Variants in DENND5A observed in about 807,000 individuals in gnomAD.
The protein encoded by DENND5A is DENN domain containing 5A.
Under a neutral mutation model 140.3 loss-of-function variants are expected in DENND5A, and 64 were observed. The observed-to-expected ratio is 0.46, with a 90% CI of 0.37 to 0.56. DENND5A has a LOEUF of 0.56. Among genes scored for constraint, DENND5A ranks in the 20% least tolerant of loss-of-function variants. The pLI is 0.00. For missense variants in DENND5A, 1,292 were observed against 1,593.8 expected, an observed-to-expected ratio of 0.81 and a Z score of 3.22; for synonymous variants, 605 against 607.7, an observed-to-expected ratio of 1.00 and a Z score of 0.07.
Position 9,263,329 on chromosome 11 carries a change from T to C in DENND5A, c.109+1632A>G, listed in dbSNP as rs531974302. Among the ~76,000 whole-genome samples, 6 of 151,040 alleles carry C rather than the reference T, an allele frequency of 4.0e-5. No individual in the cohort carries two copies. The East Asian group carries it at 1.2e-3, about 31-fold the overall frequency. On this transcript the variant is annotated intron_variant, in intron 1 of 22. Transcript: ENST00000328194. ...TCCCCCTCCTGGGTTAAAGCGATCC[T>C]CCTACCTCAGCCTCCTGAGTAGCTG...
In DENND5A at chr11:9,190,162, C is replaced by A. The variant is rs552693841; in HGVS notation, c.1137+3332G>T. On this transcript the variant is annotated intron_variant, in intron 5 of 22. Transcript: ENST00000328194. ...AGTAACTAACTTGCTTTTGATTTTACAGGCTTATAAGGAAAGGACTTGTCT... is the reference window on the plus strand; with the variant it reads ...AGTAACTAACTTGCTTTTGATTTTAAAGGCTTATAAGGAAAGGACTTGTCT... Among the ~76,000 whole-genome samples, 6 of 152,270 alleles carry A rather than the reference C, an allele frequency of 3.9e-5. No individual in the cohort carries two copies. The South Asian group carries it at 1.2e-3, about 32-fold the overall frequency.
intron 1 of DENND5A, among the ~76,000 whole-genome samples, chr11:9,245,100 T>C (rs1049817617): frequency 2.3e-4 from 34 of 150,998 alleles, no homozygotes; most frequent in African/African-American, 7.8e-4. Flanking sequence ...TTGGCCAACA[T>C]GCTGAAACCC....
chr11:9,178,578 A>G (rs1366846450), intron 7 of DENND5A, among the ~76,000 whole-genome samples: 1 of 151,882 alleles, frequency 6.6e-6, no homozygotes, highest in Non-Finnish European at 1.5e-5. Context: ...TGGGTAACCT[A>G]CTGAGTCAAC....
intron 6 of DENND5A, among the ~76,000 whole-genome samples, chr11:9,179,979 A>G (rs35065864): frequency 0.16 from 24,753 of 152,246 alleles, 2,523 homozygotes; most frequent in East Asian, 0.36. Context: ...TTTATAAGTA[A>G]CTTACGAAAG....
chr11:9,197,310 A>AT (rs1428166451), intron 4 of DENND5A, among the ~76,000 whole-genome samples: 23 of 150,248 alleles, frequency 1.5e-4, no homozygotes, highest in Middle Eastern at 3.4e-3. Context: ...ATCTCAAAAA[A>AT]AATATATATA....
chr11:9,171,178 CA>C (rs1848361607), intron 8 of DENND5A: 1 of 169,716 alleles, frequency 5.9e-6, no homozygotes, highest in African/African-American at 2.4e-5. Flanking sequence ...AGAGAGAATC[CA>C]GGGGATCTGC....
chr11:9,217,000 C>A (rs2136229779), intron 1 of DENND5A, among the ~76,000 whole-genome samples: 1 of 152,168 alleles, frequency 6.6e-6, no homozygotes, highest in South Asian at 2.1e-4. Flanking sequence ...CACACTACTG[C>A]ACTATAGTCT....
chr11:9,247,359 T>C (rs993049490), intron 1 of DENND5A, among the ~76,000 whole-genome samples: 1 of 152,112 alleles, frequency 6.6e-6, no homozygotes, highest in Admixed American at 6.6e-5. Context: ...CAAATATCAG[T>C]GTAGATAACT....
chr11:9,150,264 G>A, intron 14 of DENND5A, 55 bp from the exon 15 acceptor site: 1 of 1,592,070 alleles, frequency 6.3e-7, no homozygotes, highest in South Asian at 1.1e-5. Context: ...TGAACTCACT[G>A]CCAATAACTT....
intron 22 of DENND5A, chr11:9,140,115 C>T (rs1351303054): frequency 8.5e-6 from 12 of 1,415,874 alleles, no homozygotes; most frequent in Non-Finnish European, 1.1e-5. Context: ...GCCTAGTCAG[C>T]CCCACCACTG....
intron 12 of DENND5A, among the ~76,000 whole-genome samples, chr11:9,159,478 C>G (rs1454039926): frequency 6.6e-6 from 1 of 152,018 alleles, no homozygotes; most frequent in Non-Finnish European, 1.5e-5. Context: ...GCACCACCAC[C>G]TGGCTAATTT....
At chr11:9,262,226 G>A (rs939140399) in intron 1 of DENND5A, among the ~76,000 whole-genome samples, 2 of 152,066 alleles carry the variant, frequency 1.3e-5, no homozygotes, top group Non-Finnish European at 2.9e-5. Flanking sequence ...CAATCACAAA[G>A]ATAGTCAATA....
At chr11:9,152,104 T>C (rs1307999358) in intron 13 of DENND5A, among the ~76,000 whole-genome samples, 1 of 152,220 alleles carries the variant, frequency 6.6e-6, no homozygotes, top group African/African-American at 2.4e-5. Flanking sequence ...ATATTCATTC[T>C]GAGACTGGCC....
chr11:9,179,451 A>AT (rs1323040155), intron 6 of DENND5A, among the ~76,000 whole-genome samples: 1 of 150,868 alleles, frequency 6.6e-6, no homozygotes, highest in Non-Finnish European at 1.5e-5. Flanking sequence ...GGCTCTCTTG[A>AT]TTTTTTATTT....
intron 1 of DENND5A, among the ~76,000 whole-genome samples, chr11:9,208,996 G>A (rs897313002): frequency 2.6e-5 from 4 of 152,198 alleles, no homozygotes; most frequent in Non-Finnish European, 5.9e-5. Flanking sequence ...TAATGATCTC[G>A]TCTACAGTCT....
intron 1 of DENND5A, among the ~76,000 whole-genome samples, chr11:9,217,427 T>C (rs755949222): frequency 1.3e-5 from 2 of 151,876 alleles, no homozygotes; most frequent in Non-Finnish European, 2.9e-5. Context: ...GGCAGGAGAA[T>C]AGCTAGAACC....
chr11:9,224,948 C>A lies in DENND5A; in HGVS notation c.110-17316G>T, dbSNP rs114154952. On this transcript the variant is annotated intron_variant, in intron 1 of 22. Coordinates refer to ENST00000328194, the MANE Select transcript of DENND5A (RefSeq NM_015213.4). ...GGAAATTTTCTGTGAGTGCTAGGGTCAGAGCCATTTACTGGTTATAAAACA... is the reference window on the plus strand; with the variant it reads ...GGAAATTTTCTGTGAGTGCTAGGGTAAGAGCCATTTACTGGTTATAAAACA... 3.8e-3 allele frequency among the ~76,000 whole-genome samples: 579 copies of A among 151,806 alleles called. 6 individuals are homozygous for A. Among genetic ancestry groups the A allele is most frequent in the African/African-American group, 0.013 (555 of 41,396 alleles).
intron 5 of DENND5A, among the ~76,000 whole-genome samples, chr11:9,183,308 A>G (rs1848796206): frequency 6.6e-6 from 1 of 152,252 alleles, no homozygotes; most frequent in South Asian, 2.1e-4. Flanking sequence ...GGATTATATA[A>G]CAATAAATGT....
chr11:9,227,878 G>A (rs1850596329), intron 1 of DENND5A, among the ~76,000 whole-genome samples: 1 of 151,790 alleles, frequency 6.6e-6, no homozygotes, highest in African/African-American at 2.4e-5. Flanking sequence ...GAGGCCGTGG[G>A]GGCGGGTGGC....
Sources: allele counts gnomAD v4.1 joint callset (sites outside exome capture counted in the v4.1 genomes callset), GRCh38; gene constraint gnomAD v4.1.1; transcripts MANE v1.5; gene names NCBI Gene and HGNC (gene_info 2026-07-23, HGNC 2026-07-21).